Variants in GGT1 observed in about 807,000 individuals in gnomAD.
The protein encoded by GGT1 is gamma-glutamyltransferase 1, also known as glutathione hydrolase 1 proenzyme.
A neutral mutation model predicts 56.0 loss-of-function variants in GGT1; 21 were observed. That is an observed-to-expected ratio of 0.38 (90% confidence interval 0.27 to 0.54). The LOEUF is 0.54. Ranked by LOEUF, GGT1 falls within the 20% of genes least tolerant of loss-of-function variation. The pLI is 0.82. For synonymous variants in GGT1, 238 were observed against 342.6 expected, an observed-to-expected ratio of 0.69 and a Z score of 3.37; for missense variants, 466 against 787.0, an observed-to-expected ratio of 0.59 and a Z score of 4.88.
At chr22:24,621,477 C>G (rs963739952) in intron 9 of GGT1, among the ~76,000 whole-genome samples, 6 of 151,226 alleles carry the variant, frequency 4.0e-5, no homozygotes, top group Non-Finnish European at 8.8e-5. Flanking sequence ...AAGAGGGTTA[C>G]AAGGGATGAG....
chr22:24,590,119 G>A (rs2045525424), upstream of GGT1, among the ~76,000 whole-genome samples: 1 of 152,132 alleles, frequency 6.6e-6, no homozygotes. Flanking sequence ...AGTGGCGGGT[G>A]GCCCCCTTCT....
rs1414032750 is a variant in GGT1 at position 24,605,468 on chromosome 22, ATAT to A, written c.-429+1945_-429+1947del. 2.4e-4 allele frequency among the ~76,000 whole-genome samples: 18 copies of A among 73,842 alleles called. 6 individuals are homozygous for A. Among genetic ancestry groups the A allele is most frequent in the Admixed American group, 2.0e-3 (8 of 3,940 alleles). 48.4% of individuals were successfully genotyped at this position (73,842 alleles called of 152,430 possible). ...TATAATGTGTATTATATATAATATA[ATAT>A]TATATAATGTGTATTATATATTATA... On this transcript the variant is annotated intron_variant, in intron 1 of 15. Transcript: ENST00000400382.
chr22:24,586,248 G>C, the GGT1 span: 1 of 1,613,688 alleles, frequency 6.2e-7, no homozygotes, highest in African/African-American at 1.3e-5. Context: ...AGGTGCAGCA[G>C]CTCATCACTC....
At chr22:24,592,436 G>A (rs557591301), upstream of GGT1, 2 of 470,310 alleles carry the variant, frequency 4.3e-6, no homozygotes, top group Non-Finnish European at 8.8e-6. Flanking sequence ...GGAGGAGGGG[G>A]AAGTTACCCT....
upstream of GGT1, among the ~76,000 whole-genome samples, chr22:24,590,322 G>T (rs2045531776): frequency 6.6e-6 from 1 of 152,106 alleles, no homozygotes; most frequent in African/African-American, 2.4e-5. Context: ...TGTAGAAATG[G>T]GGTCTCACTA....
rs533865952 is a variant in GGT1 at position 24,620,149 on chromosome 22, G to A, written c.383-179G>A. On this transcript the variant is annotated intron_variant, in intron 7 of 15. Coordinates refer to ENST00000400382, the MANE Select transcript of GGT1 (RefSeq NM_001288833.2). The surrounding 1 kb of genome is among the most constrained non-coding windows in gnomAD (Gnocchi z 5.6). ...GAGGATCGCTTGAATCCAGGAGTTC[G>A]AGATCGGGCTGGGCAAGATGGCAAG... 7.9e-5 allele frequency among the ~76,000 whole-genome samples: 12 copies of A among 152,044 alleles called. No individual in the cohort carries two copies. The South Asian group carries it at 2.5e-3, about 32-fold the overall frequency.
the GGT1 span, among the ~76,000 whole-genome samples, chr22:24,585,061 C>T: frequency 6.6e-6 from 1 of 152,134 alleles, no homozygotes; most frequent in Admixed American, 6.5e-5. Flanking sequence ...ACCCCCAGGG[C>T]CTGGAGGGAA....
chr22:24,606,126 TTATA>T lies in GGT1; in HGVS notation c.-428-1823_-428-1820del, dbSNP rs1025124694. Reference sequence around the variant, plus strand: ...TTATATAATATATCATATAAATATATTATATATAGTATTATATATATAAAATTAT... The same window carrying T: ...TTATATAATATATCATATAAATATATTATAGTATTATATATATAAAATTAT... On this transcript the variant is annotated intron_variant, in intron 1 of 15. Transcript: ENST00000400382. Among the ~76,000 whole-genome samples the T allele has an allele frequency of 1.5e-4, 20 of 131,430 alleles. 1 individual carries two copies. Among genetic ancestry groups the T allele is most frequent in the Non-Finnish European group, 2.3e-4 (15 of 64,324 alleles). The allele number at this position is 131,430 out of a possible 152,430, so 86.2% of individuals were successfully genotyped here. A position where few individuals can be genotyped will look rare whatever the true frequency, so the allele number is the denominator to read the frequency against.
chr22:24,597,056 C>T (rs1459320054), intron 1 of GGT1, among the ~76,000 whole-genome samples: 1 of 148,876 alleles, frequency 6.7e-6, no homozygotes, highest in African/African-American at 2.5e-5. Flanking sequence ...GATCTTGGCT[C>T]ACTGCAACCT....
At chr22:24,584,662 C>T in the GGT1 span, among the ~76,000 whole-genome samples, 1 of 152,062 alleles carries the variant, frequency 6.6e-6, no homozygotes, top group South Asian at 2.1e-4. Flanking sequence ...GGACCCCTGC[C>T]TCCTCCTTAG....
chr22:24,598,445 C>CAAAAAAAAA (rs1186508492), upstream of GGT1, among the ~76,000 whole-genome samples: 1 of 76,022 alleles, frequency 1.3e-5, no homozygotes. Flanking sequence ...GACTCCGTCT[C>CAAAAAAAAA]AAAAAAAAAA....
At chr22:24,588,608 C>T in the GGT1 span, 3 of 1,012,536 alleles carry the variant, frequency 3.0e-6, no homozygotes, top group South Asian at 2.2e-5. Context: ...TCCCTGTCCT[C>T]GGGCCCAGGG....
intron 1 of GGT1, among the ~76,000 whole-genome samples, chr22:24,595,642 C>T (rs2045680128): frequency 6.6e-6 from 1 of 152,178 alleles, no homozygotes; most frequent in East Asian, 1.9e-4. Context: ...AGACCTCAGG[C>T]CCTGATGGGA....
At chr22:24,627,016 C>A (rs2147537463) in intron 11 of GGT1, among the ~76,000 whole-genome samples, 1 of 151,842 alleles carries the variant, frequency 6.6e-6, no homozygotes, top group African/African-American at 2.4e-5. Context: ...ATACCTCATG[C>A]CTCTTGATTC....
chr22:24,587,212 G>C, the GGT1 span, among the ~76,000 whole-genome samples: 1 of 152,218 alleles, frequency 6.6e-6, no homozygotes, highest in Non-Finnish European at 1.5e-5. Context: ...CAGGGCACCG[G>C]GGATAGAGAG....
At chr22:24,598,575 T>C (rs947674153), upstream of GGT1, among the ~76,000 whole-genome samples, 1 of 151,832 alleles carries the variant, frequency 6.6e-6, no homozygotes, top group Non-Finnish European at 1.5e-5. Context: ...CATGGATGAG[T>C]TGGTTTTTTT....
chr22:24,600,357 A>G (rs1473844369), upstream of GGT1, among the ~76,000 whole-genome samples: 7 of 152,204 alleles, frequency 4.6e-5, no homozygotes, highest in Admixed American at 4.6e-4. Context: ...TACCCACACT[A>G]TCAGTGGCTG....
At chr22:24,621,579 T>G (rs1394412460) in intron 9 of GGT1, among the ~76,000 whole-genome samples, 2 of 150,814 alleles carry the variant, frequency 1.3e-5, no homozygotes, top group African/African-American at 2.5e-5. Context: ...TTGTCACGTT[T>G]CATGGAGGAG....
chr22:24,597,492 T>C (rs908794978), intron 1 of GGT1, among the ~76,000 whole-genome samples: 8 of 152,094 alleles, frequency 5.3e-5, no homozygotes, highest in Non-Finnish European at 8.8e-5. Context: ...CTGGCCAACA[T>C]AGCAAAACCC....
Sources: gnomAD v4.1 joint callset for allele counts (sites outside exome capture counted in the v4.1 genomes callset) on GRCh38, gnomAD v4.1.1 for gene constraint, Gnocchi (gnomAD v3.1) non-coding constraint, MANE v1.5 for transcripts, NCBI Gene and HGNC (gene_info 2026-07-23, HGNC 2026-07-21) for gene names.